Variants in CNTNAP5 observed in about 807,000 individuals in gnomAD.
CNTNAP5 encodes contactin associated protein family member 5, also known as contactin-associated protein-like 5.
A neutral mutation model predicts 150.2 loss-of-function variants in CNTNAP5; 72 were observed. The ratio of observed to expected loss-of-function variants is 0.48; its 90% CI spans 0.40 to 0.58. The LOEUF (loss-of-function observed/expected upper bound fraction) is 0.58. CNTNAP5 is among the 20% of genes least tolerant of loss of function. CNTNAP5 has a pLI of 0.00. For missense variants in CNTNAP5, 1,636 were observed against 1,626.2 expected (o/e 1.01, Z -0.10); for synonymous variants, 672 against 619.8 (o/e 1.08, Z -1.25).
At position 124,402,040 on chromosome 2, in the gene CNTNAP5, G is replaced by A. The variant is rs1466092523; in HGVS notation, c.382-15403G>A. ...GGATATAACTGATGGTTTAGGAAGGGGTTCCAGGAGTGTATTAGGAGACTC... is the reference window on the plus strand; with the variant it reads ...GGATATAACTGATGGTTTAGGAAGGAGTTCCAGGAGTGTATTAGGAGACTC... On this transcript the variant is annotated intron_variant, in intron 3 of 23. Transcript: ENST00000682447. Among the ~76,000 whole-genome samples the A allele has an allele frequency of 3.3e-5, 5 of 152,196 alleles. No individual in the cohort carries two copies. The East Asian group carries it at 9.6e-4, about 29-fold the overall frequency.
chr2:124,470,788 C>G (rs555092036), intron 6 of CNTNAP5, among the ~76,000 whole-genome samples: 1 of 152,180 alleles, frequency 6.6e-6, no homozygotes, highest in East Asian at 1.9e-4. Context: ...CTGCATATGG[C>G]TAGCCTGTTA....
intron 11 of CNTNAP5, among the ~76,000 whole-genome samples, chr2:124,566,315 G>A (rs932101981): frequency 2.0e-5 from 3 of 152,064 alleles, no homozygotes; most frequent in Non-Finnish European, 4.4e-5. Context: ...AGCTTATTCC[G>A]CTCACTTTCT....
chr2:124,196,502 C>G (rs1160002385), intron 1 of CNTNAP5, among the ~76,000 whole-genome samples: 2 of 152,154 alleles, frequency 1.3e-5, no homozygotes, highest in Non-Finnish European at 2.9e-5. Context: ...ATTATTGTTG[C>G]TTTCCATATT....
At chr2:124,325,420 C>T (rs983882247) in intron 3 of CNTNAP5, among the ~76,000 whole-genome samples, 1 of 152,160 alleles carries the variant, frequency 6.6e-6, no homozygotes, top group African/African-American at 2.4e-5. Context: ...GGTATCATTA[C>T]CACTAATGTG....
At chr2:124,510,321 C>CTATA (rs1403460082) in intron 8 of CNTNAP5, among the ~76,000 whole-genome samples, 292 of 39,800 alleles carry the variant, frequency 7.3e-3, no homozygotes, top group East Asian at 0.015. Flanking sequence ...ATCTATATAT[C>CTATA]TATCTATATA....
At chr2:124,613,752 T>G (rs1677434901) in intron 12 of CNTNAP5, among the ~76,000 whole-genome samples, 1 of 152,126 alleles carries the variant, frequency 6.6e-6, no homozygotes, top group Non-Finnish European at 1.5e-5. Flanking sequence ...AGGGCAGTCT[T>G]CAGGAGGGGA....
intron 7 of CNTNAP5, among the ~76,000 whole-genome samples, chr2:124,497,159 C>T (rs1282144421): frequency 6.6e-6 from 1 of 152,114 alleles, no homozygotes; most frequent in Non-Finnish European, 1.5e-5. Flanking sequence ...TAAAGCAGAG[C>T]AGCCAACAAC....
At chr2:124,686,062 T>G (rs192175968) in intron 13 of CNTNAP5, among the ~76,000 whole-genome samples, 3 of 152,232 alleles carry the variant, frequency 2.0e-5, no homozygotes, top group Non-Finnish European at 1.5e-5. Context: ...ATTCCAGAAT[T>G]TCTTGTCATA....
chr2:124,305,638 T>C (rs1334471649), intron 3 of CNTNAP5, among the ~76,000 whole-genome samples: 1 of 152,172 alleles, frequency 6.6e-6, no homozygotes, highest in East Asian at 1.9e-4. Flanking sequence ...CATTAGGACT[T>C]TGTCCATTAC....
At chr2:124,452,993 A>G (rs1693025927) in intron 6 of CNTNAP5, among the ~76,000 whole-genome samples, 1 of 152,166 alleles carries the variant, frequency 6.6e-6, no homozygotes, top group African/African-American at 2.4e-5. Context: ...AAAAAATTAC[A>G]CTAGCTTTCC....
intron 21 of CNTNAP5, among the ~76,000 whole-genome samples, chr2:124,878,865 T>A (rs944702595): frequency 1.3e-5 from 2 of 151,834 alleles, no homozygotes; most frequent in African/African-American, 4.8e-5. Context: ...GTATTTTTAG[T>A]AGAGATGGGG....
intron 19 of CNTNAP5, among the ~76,000 whole-genome samples, chr2:124,825,155 C>T (rs912682827): frequency 1.3e-5 from 2 of 151,638 alleles, no homozygotes; most frequent in South Asian, 2.1e-4. Context: ...GTAAATATAC[C>T]GCATTCTGCT....
At chr2:124,519,301 A>G (rs936197836) in intron 8 of CNTNAP5, among the ~76,000 whole-genome samples, 1 of 151,802 alleles carries the variant, frequency 6.6e-6, no homozygotes, top group Non-Finnish European at 1.5e-5. Flanking sequence ...TCTATTAAAA[A>G]CCATTGGGTT....
At chr2:124,191,501 T>A (rs555346875) in intron 1 of CNTNAP5, among the ~76,000 whole-genome samples, 1 of 152,256 alleles carries the variant, frequency 6.6e-6, no homozygotes, top group South Asian at 2.1e-4. Flanking sequence ...TATATATATA[T>A]CATATGTATA....
chr2:124,688,153 T>C (rs1679230266), intron 13 of CNTNAP5, among the ~76,000 whole-genome samples: 1 of 152,124 alleles, frequency 6.6e-6, no homozygotes, highest in Non-Finnish European at 1.5e-5. Context: ...AACTTAACTC[T>C]GTATCAATTG....
intron 3 of CNTNAP5, among the ~76,000 whole-genome samples, chr2:124,349,714 C>T (rs1463145828): frequency 2.0e-5 from 3 of 152,038 alleles, no homozygotes; most frequent in Admixed American, 6.6e-5. Context: ...TATTAAAACA[C>T]TGTAAGATAT....
At chr2:124,186,110 A>C (rs1049962216) in intron 1 of CNTNAP5, among the ~76,000 whole-genome samples, 1 of 152,164 alleles carries the variant, frequency 6.6e-6, no homozygotes, top group Non-Finnish European at 1.5e-5. Flanking sequence ...TAGGGTCCTG[A>C]GTGGGCATGA....
intron 1 of CNTNAP5, among the ~76,000 whole-genome samples, chr2:124,211,579 CTTCT>C (rs1686013324): frequency 6.6e-6 from 1 of 152,094 alleles, no homozygotes; most frequent in Non-Finnish European, 1.5e-5. Context: ...AGGACCACTC[CTTCT>C]GTCTCTGGGC....
chr2:124,306,728 T>TC (rs1688700051), intron 3 of CNTNAP5, among the ~76,000 whole-genome samples: 2 of 144,372 alleles, frequency 1.4e-5, no homozygotes, highest in Non-Finnish European at 3.0e-5. Context: ...TCTTTTTTTT[T>TC]TTTTTTTTTT....
Sources: allele counts gnomAD v4.1 joint callset (sites outside exome capture counted in the v4.1 genomes callset), GRCh38; gene constraint gnomAD v4.1.1; transcripts MANE v1.5; gene names NCBI Gene and HGNC (gene_info 2026-07-23, HGNC 2026-07-21).